The following RIMKLB variants were observed in gnomAD, a reference collection of about 807,000 sequenced individuals.
The protein encoded by RIMKLB is beta-citrylglutamate synthase B.
RIMKLB carries 7 observed loss-of-function variants against 32.0 expected under a neutral mutation model. That is an observed-to-expected ratio of 0.22 (90% CI 0.12 to 0.41). The LOEUF (loss-of-function observed/expected upper bound fraction) is 0.41. Ranked by LOEUF, RIMKLB falls within the 10% of genes least tolerant of loss-of-function variation. The pLI is 1.00. For synonymous variants in RIMKLB, 172 were observed against 185.1 expected (o/e 0.93, Z 0.57); for missense variants, 289 against 498.7 (o/e 0.58, Z 4.00).
chr12:8,727,900 C>CAAA (rs112200431), intron 2 of RIMKLB, among the ~76,000 whole-genome samples: 1,555 of 135,462 alleles, frequency 0.011, 23 homozygotes, highest in African/African-American at 0.038. Flanking sequence ...GACATTGTCT[C>CAAA]AAAAAAAAAA....
intron 1 of RIMKLB, among the ~76,000 whole-genome samples, chr12:8,712,619 GAGGT>G (rs1200880365): frequency 2.6e-5 from 4 of 152,134 alleles, no homozygotes; most frequent in African/African-American, 9.7e-5. Flanking sequence ...GGTCAAGAGA[GAGGT>G]AGGTGGTCAA....
chr12:8,670,411 C>T, the RIMKLB span, among the ~76,000 whole-genome samples: 1 of 152,072 alleles, frequency 6.6e-6, no homozygotes, highest in Non-Finnish European at 1.5e-5. Context: ...AGAAATTGGC[C>T]AAGACAAAGG....
intron 5 of RIMKLB, among the ~76,000 whole-genome samples, chr12:8,769,053 T>C (rs1321309791): frequency 6.6e-6 from 1 of 152,186 alleles, no homozygotes; most frequent in African/African-American, 2.4e-5. Context: ...GTTAAACATC[T>C]TCCTCTGGAG....
downstream of RIMKLB, chr12:8,777,215 C>CTTTTTTTT (rs35828763): frequency 7.0e-4 from 493 of 703,270 alleles, no homozygotes; most frequent in Middle Eastern, 1.5e-3. Flanking sequence ...TGCTTGCTTT[C>CTTTTTTTT]TTTTTTTTTT....
intron 2 of RIMKLB, among the ~76,000 whole-genome samples, chr12:8,721,379 C>G (rs1454963916): frequency 6.6e-6 from 1 of 152,200 alleles, no homozygotes; most frequent in Non-Finnish European, 1.5e-5. Flanking sequence ...GGAGTCAGTC[C>G]TCTTAAACCC....
chr12:8,770,638 C>G (rs1484874106), intron 5 of RIMKLB, among the ~76,000 whole-genome samples: 1 of 152,128 alleles, frequency 6.6e-6, no homozygotes, highest in Non-Finnish European at 1.5e-5. Context: ...TCTGTTAATA[C>G]AAAAAATACA....
chr12:8,707,756 TTATGATTTTAGGAGTTG>T (rs1296826860), intron 1 of RIMKLB, among the ~76,000 whole-genome samples: 4 of 152,188 alleles, frequency 2.6e-5, no homozygotes, highest in Admixed American at 2.6e-4. Context: ...TTGGAGATTC[TTATGATTTTAGGAGTTG>T]TATGCCAGGA....
intron 1 of RIMKLB, among the ~76,000 whole-genome samples, chr12:8,683,682 C>T (rs1247004069): frequency 1.3e-5 from 2 of 152,072 alleles, no homozygotes; most frequent in Non-Finnish European, 2.9e-5. Flanking sequence ...TATTTGTTCC[C>T]GGTCTGGCTT....
At chr12:8,763,993 G>GAGT (rs1404863131) in intron 5 of RIMKLB, among the ~76,000 whole-genome samples, 2 of 152,182 alleles carry the variant, frequency 1.3e-5, no homozygotes, top group Admixed American at 6.5e-5. Flanking sequence ...TAGGAAAGCA[G>GAGT]AGTATAAGGG....
At chr12:8,718,496 A>C (rs1434375948) in intron 2 of RIMKLB, among the ~76,000 whole-genome samples, 4 of 152,186 alleles carry the variant, frequency 2.6e-5, no homozygotes, top group Admixed American at 1.3e-4. Flanking sequence ...TACAAAAATT[A>C]GCTGGGCCTG....
chr12:8,676,015 G>C, the RIMKLB span, among the ~76,000 whole-genome samples: 1 of 152,096 alleles, frequency 6.6e-6, no homozygotes. Flanking sequence ...ACATGCTATA[G>C]CCATATGTGA....
At chr12:8,681,899 A>C (rs749725895) in intron 1 of RIMKLB, 8 of 152,198 alleles carry the variant, frequency 5.3e-5, no homozygotes, top group South Asian at 2.1e-4. Flanking sequence ...GGAACCCCCA[A>C]ATTTATAGCT....
downstream of RIMKLB, among the ~76,000 whole-genome samples, chr12:8,780,946 A>G (rs1001873878): frequency 5.3e-5 from 8 of 152,238 alleles, no homozygotes; most frequent in African/African-American, 1.7e-4. Context: ...GCATGTTGGT[A>G]TATGTGACCT....
downstream of RIMKLB, chr12:8,779,582 A>G (rs1191485828): frequency 6.6e-6 from 1 of 152,164 alleles, no homozygotes; most frequent in African/African-American, 2.4e-5. Flanking sequence ...TTTGGTGCTT[A>G]TGTCAGTATT....
chr12:8,782,141 AACTTG>A (rs1474842247), downstream of RIMKLB, among the ~76,000 whole-genome samples: 1 of 68,596 alleles, frequency 1.5e-5, no homozygotes, highest in Non-Finnish European at 3.3e-5. Context: ...GAAAATGATA[AACTTG>A]AGTTTTAATC....
chr12:8,775,177 C>G lies in RIMKLB; in HGVS notation c.*1393C>G. 1 of 985,620 alleles carries G rather than the reference C, an allele frequency of 1.0e-6. No homozygotes were observed. Among genetic ancestry groups the G allele is most frequent in the Non-Finnish European group, 1.2e-6 (1 of 829,860 alleles). The allele number at this position is 985,620 out of a possible 1,614,324, so 61.1% of individuals were successfully genotyped here. A position where few individuals can be genotyped will look rare whatever the true frequency, so the allele number is the denominator to read the frequency against. On this transcript the variant is annotated 3_prime_UTR_variant, in exon 6 of 6. Coordinates refer to ENST00000535829, the MANE Select transcript of RIMKLB (RefSeq NM_001297776.2). Reference sequence around the variant, plus strand: ...GGCTACATGCTTTTCTTTAATGCTTCTGGCTATGCATTTTCTCTTTTTACA... The same window carrying G: ...GGCTACATGCTTTTCTTTAATGCTTGTGGCTATGCATTTTCTCTTTTTACA...
the RIMKLB span, chr12:8,668,942 A>G: frequency 6.6e-6 from 1 of 151,534 alleles, no homozygotes; most frequent in African/African-American, 2.4e-5. Context: ...AATATGTTGT[A>G]TAACTACAAT....
intron 1 of RIMKLB, among the ~76,000 whole-genome samples, chr12:8,707,945 A>G (rs182911644): frequency 1.8e-4 from 28 of 152,304 alleles, no homozygotes; most frequent in African/African-American, 6.7e-4. Flanking sequence ...TATCCTATGT[A>G]CAGTCTTTCC....
chr12:8,738,993 T>A (rs1372755923), intron 2 of RIMKLB, among the ~76,000 whole-genome samples: 1 of 152,228 alleles, frequency 6.6e-6, no homozygotes, highest in Non-Finnish European at 1.5e-5. Context: ...CATTTGAGGT[T>A]AACACTTAGG....
Sources: allele counts gnomAD v4.1 joint callset (sites outside exome capture counted in the v4.1 genomes callset), GRCh38; gene constraint gnomAD v4.1.1; transcripts MANE v1.5; gene names NCBI Gene and HGNC (gene_info 2026-07-23, HGNC 2026-07-21).